The following SOCS7 variants were observed in gnomAD, a reference collection of about 807,000 sequenced individuals.
SOCS7 encodes the protein NAP-4.
In SOCS7, 18 loss-of-function variants were observed where a neutral mutation model predicts 58.9. The ratio of observed to expected loss-of-function variants is 0.31; its 90% confidence interval spans 0.21 to 0.45. SOCS7 has a LOEUF of 0.45. Ranked by LOEUF, SOCS7 falls within the 20% of genes least tolerant of loss-of-function variation. The pLI, the probability that SOCS7 is intolerant of heterozygous loss-of-function variation, is 1.00. For synonymous variants in SOCS7, 388 were observed against 364.3 expected, an observed-to-expected ratio of 1.06 and a Z score of -0.74; for missense variants, 667 against 837.3, an observed-to-expected ratio of 0.80 and a Z score of 2.51.
chr17:38,371,459 G>A (rs1419852633), intron 6 of SOCS7, among the ~76,000 whole-genome samples: 4 of 151,822 alleles, frequency 2.6e-5, no homozygotes, highest in Admixed American at 1.3e-4. Flanking sequence ...TAGTAGAGAC[G>A]GGGTTTCACC....
At chr17:38,382,592 G>T (rs1053350149) in intron 7 of SOCS7, among the ~76,000 whole-genome samples, 1 of 151,962 alleles carries the variant, frequency 6.6e-6, no homozygotes, top group Non-Finnish European at 1.5e-5. Context: ...GAGTTCAAAC[G>T]ATTCTCCTTC....
Position 38,366,370 on chromosome 17 carries a change from C to T in SOCS7, c.1336C>T (p.Arg446Trp), listed in dbSNP as rs779728689. ...PPQHLQCPLY[R>W]PDSSSFAASL... ...ACAGCACCTCCAGTGTCCCCTCTAC[C>T]GGCCTGACTCGAGCAGCTTTGCAGC... The change falls in exon 5 of 10, where the codon CGG becomes TGG. Residue 446 changes from arginine to tryptophan, a missense_variant. Transcript: ENST00000612932. 28 of 1,614,112 alleles carry T rather than the reference C, an allele frequency of 1.7e-5. No homozygotes were observed. The highest frequency in any genetic ancestry group is 9.3e-5 in the African/African-American group (7 of 74,942).
At chr17:38,363,223 G>C (rs1376475780) in intron 2 of SOCS7, among the ~76,000 whole-genome samples, 1 of 152,192 alleles carries the variant, frequency 6.6e-6, no homozygotes, top group Non-Finnish European at 1.5e-5. Context: ...AGACTGCTCT[G>C]GCCTGTCAGG....
chr17:38,361,076 CTG>C (rs755356408), intron 1 of SOCS7, among the ~76,000 whole-genome samples: 4 of 152,188 alleles, frequency 2.6e-5, no homozygotes, highest in Non-Finnish European at 5.9e-5. Flanking sequence ...ATGGGGAGGG[CTG>C]TGTGAGTGGC....
chr17:38,378,455 A>G (rs1252857705), intron 7 of SOCS7, among the ~76,000 whole-genome samples: 2 of 152,112 alleles, frequency 1.3e-5, no homozygotes, highest in African/African-American at 4.8e-5. Flanking sequence ...TCGAGGCTTC[A>G]GTGAGCTGTG....
intron 7 of SOCS7, among the ~76,000 whole-genome samples, chr17:38,390,047 A>G (rs2038150370): frequency 6.7e-6 from 1 of 149,044 alleles, no homozygotes; most frequent in African/African-American, 2.5e-5. Flanking sequence ...TCAGCCTCTC[A>G]AAGTTCTGGG....
rs558310564 is a variant in SOCS7, at chr17:38,403,785, C to T, written c.*4303C>T. 42 of 152,188 alleles carry T rather than the reference C, an allele frequency of 2.8e-4. No homozygotes were observed. The highest frequency in any genetic ancestry group is 1.0e-3 in the African/African-American group (42 of 41,500). The allele number at this position is 152,188 out of a possible 1,614,324, so 9.4% of individuals were successfully genotyped here. A position where few individuals can be genotyped will look rare whatever the true frequency, so the allele number is the denominator to read the frequency against. The stretch of plus-strand genomic sequence containing the variant: ...TAGACATTTTCCCTATGGGAATCCT[C>T]GGTTTGGTTTGTGGGAAAGGAGGGA... On this transcript the variant is annotated 3_prime_UTR_variant, in exon 10 of 10. Transcript: ENST00000612932.
rs1387596853 is a variant in SOCS7, at chr17:38,387,600, C to CACAATATATTGTATATTATATAT, written c.1682-7686_1682-7664dup. Among the ~76,000 whole-genome samples, 12 of 89,660 alleles carry CACAATATATTGTATATTATATAT rather than the reference C, an allele frequency of 1.3e-4. 1 individual carries two copies. Among genetic ancestry groups the CACAATATATTGTATATTATATAT allele is most frequent in the Admixed American group, 2.1e-4 (2 of 9,490 alleles). 58.8% of individuals were successfully genotyped at this position (89,660 alleles called of 152,430 possible). On this transcript the variant is annotated intron_variant, in intron 7 of 9. Transcript: ENST00000612932. ...CACAATATATTGTATATATTATATA[C>CACAATATATTGTATATTATATAT]ACAATATATTGTATATTATATATAC...
chr17:38,360,100 A>G (rs1490965646), intron 1 of SOCS7, among the ~76,000 whole-genome samples: 1 of 151,870 alleles, frequency 6.6e-6, no homozygotes, highest in Non-Finnish European at 1.5e-5. Context: ...TATATACCGC[A>G]AAATTTACCC....
chr17:38,364,737 C>G lies in SOCS7; in HGVS notation c.1046-15C>G. 1 of 1,611,282 alleles carries G rather than the reference C, an allele frequency of 6.2e-7. No individual in the cohort carries two copies. ...AAGGCGCTTCTGTAACTTGCTTGCT[C>G]CATGAATCCCTCAGGTGAAACTGTG... On this transcript the variant is annotated splice_polypyrimidine_tract_variant and intron_variant, in intron 2 of 9. Coordinates refer to ENST00000612932, the MANE Select transcript of SOCS7 (RefSeq NM_014598.4).
intron 7 of SOCS7, among the ~76,000 whole-genome samples, chr17:38,390,705 C>G (rs1447071991): frequency 1.5e-5 from 2 of 136,198 alleles, no homozygotes; most frequent in Admixed American, 7.4e-5. Flanking sequence ...CTCTTTCTTT[C>G]TGTCTTTTTT....
chr17:38,361,569 A>T (rs1218501903), intron 1 of SOCS7, 142 bp from the exon 2 acceptor site: 4 of 720,728 alleles, frequency 5.5e-6, no homozygotes, highest in Admixed American at 4.3e-5. Flanking sequence ...CCTTTATTTT[A>T]TGCTGTATTA....
rs1029712626 is a variant in SOCS7, at chr17:38,352,353, C to A, written c.301C>A (p.Pro101Thr). 1 of 1,458,512 alleles carries A rather than the reference C, an allele frequency of 6.9e-7. No homozygotes were observed. Among genetic ancestry groups the A allele is most frequent in the Non-Finnish European group, 8.9e-7 (1 of 1,117,562 alleles). The allele number at this position is 1,458,512 out of a possible 1,614,324, so 90.3% of individuals were successfully genotyped here. A position where few individuals can be genotyped will look rare whatever the true frequency, so the allele number is the denominator to read the frequency against. The change falls in exon 1 of 10, where the codon CCC becomes ACC. Residue 101 changes from proline to threonine, a missense_variant. Physicochemically the swap from Pro to Thr is conservative, Grantham distance 38. Transcript: ENST00000612932. This position sits in a 1 kb window ranked among gnomAD's most constrained non-coding sequence, Gnocchi z 5.5. ...TCCCCGGCACCGCTGTGCCCTGGAC[C>A]CCAAGGCCCTGCCGCCGGGCTTGGC... is the stretch of plus-strand genomic sequence containing the variant. Reference protein sequence around the residue: ...LCPRHRCALDPKALPPGLALE... With the variant: ...LCPRHRCALDTKALPPGLALE...
chr17:38,392,825 C>T lies in SOCS7; in HGVS notation c.1682-2484C>T, dbSNP rs188445429. Among the ~76,000 whole-genome samples the T allele has an allele frequency of 2.6e-4, 39 of 152,242 alleles. No individual in the cohort carries two copies. The South Asian group carries it at 7.5e-3, about 29-fold the overall frequency. ...TGGAGAACCCTGCTGAGAGGTTCCT[C>T]GGCTATGGCAGAGCTACCGATAATT... On this transcript the variant is annotated intron_variant, in intron 7 of 9. Coordinates refer to ENST00000612932, the MANE Select transcript of SOCS7 (RefSeq NM_014598.4).
At chr17:38,389,872 T>TATATATATATATGTAC (rs2038137969) in intron 7 of SOCS7, among the ~76,000 whole-genome samples, 4 of 111,756 alleles carry the variant, frequency 3.6e-5, no homozygotes, top group Non-Finnish European at 5.3e-5. Flanking sequence ...TGTGTACATA[T>TATATATATATATGTAC]ATATATATAT....
rs148627180 is a variant in SOCS7, at chr17:38,383,904, A to T, written c.1681+6062A>T. ...CATTTGCTGATGAGATATTAGACAT[A>T]CTCAGAAGAGGTTATTTCACTTACG... is the stretch of plus-strand genomic sequence containing the variant. On this transcript the variant is annotated intron_variant, in intron 7 of 9. Coordinates refer to ENST00000612932, the MANE Select transcript of SOCS7 (RefSeq NM_014598.4). 3.3e-5 allele frequency among the ~76,000 whole-genome samples: 5 copies of T among 152,228 alleles called. No homozygotes were observed. In the East Asian group the frequency reaches 9.6e-4, roughly 29 times the overall value.
At chr17:38,383,489 G>T (rs2038029078) in intron 7 of SOCS7, among the ~76,000 whole-genome samples, 1 of 152,148 alleles carries the variant, frequency 6.6e-6, no homozygotes, top group Admixed American at 6.5e-5. Context: ...CCTTTGAGAT[G>T]CCCTTTGTCG....
intron 7 of SOCS7, among the ~76,000 whole-genome samples, chr17:38,390,471 C>G (rs2038155629): frequency 6.6e-6 from 1 of 152,000 alleles, no homozygotes; most frequent in Non-Finnish European, 1.5e-5. Flanking sequence ...TTTAATACCC[C>G]CATGTTGGCA....
At chr17:38,355,491 C>G (rs1002860155) in intron 1 of SOCS7, among the ~76,000 whole-genome samples, 6 of 152,140 alleles carry the variant, frequency 3.9e-5, no homozygotes, top group African/African-American at 1.4e-4. Flanking sequence ...GTTGTGATTT[C>G]TGTGGATCTG....
Sources: gnomAD v4.1 joint callset for allele counts (sites outside exome capture counted in the v4.1 genomes callset) on GRCh38, gnomAD v4.1.1 for gene constraint, Gnocchi (gnomAD v3.1) non-coding constraint, MANE v1.5 for transcripts, NCBI Gene and HGNC (gene_info 2026-07-23, HGNC 2026-07-21) for gene names.